CDH8: variants seen among roughly 807,000 people sequenced by gnomAD.
The protein encoded by CDH8 is cadherin-8.
Under a neutral mutation model 68.1 loss-of-function variants are expected in CDH8, and 17 were observed. That is an observed-to-expected ratio of 0.25 (90% confidence interval 0.17 to 0.37). The LOEUF is 0.37. CDH8 is among the 10% of genes least tolerant of loss of function. CDH8 has a pLI of 1.00. For missense variants in CDH8, 763 were observed against 999.3 expected (o/e 0.76, Z 3.19); for synonymous variants, 372 against 365.1 (o/e 1.02, Z -0.21).
chr16:61,839,390 T>C (rs1962638066), intron 4 of CDH8, among the ~76,000 whole-genome samples: 1 of 152,172 alleles, frequency 6.6e-6, no homozygotes, highest in African/African-American at 2.4e-5. Flanking sequence ...ATTTGTTTTA[T>C]ATATTTAGAG....
chr16:62,019,589 A>T (rs1902022650), intron 2 of CDH8, among the ~76,000 whole-genome samples: 1 of 152,106 alleles, frequency 6.6e-6, no homozygotes, highest in Non-Finnish European at 1.5e-5. Context: ...GTAATCAACC[A>T]CATTAACATT....
intron 10 of CDH8, among the ~76,000 whole-genome samples, chr16:61,671,497 G>T (rs1463830009): frequency 6.6e-6 from 1 of 151,678 alleles, no homozygotes; most frequent in Non-Finnish European, 1.5e-5. Flanking sequence ...GCAAGGAAAT[G>T]TGGTATCCTA....
intron 2 of CDH8, among the ~76,000 whole-genome samples, chr16:61,980,760 A>G (rs1370997519): frequency 6.6e-6 from 1 of 152,130 alleles, no homozygotes; most frequent in Non-Finnish European, 1.5e-5. Context: ...CAACTTCTGA[A>G]CTCCTGGCTT....
chr16:61,751,326 T>C (rs1474932224), intron 8 of CDH8, among the ~76,000 whole-genome samples: 4 of 128,068 alleles, frequency 3.1e-5, no homozygotes, highest in Non-Finnish European at 6.3e-5. Flanking sequence ...GATTTTCCTC[T>C]ACAAGGAAAA....
intron 10 of CDH8, among the ~76,000 whole-genome samples, chr16:61,672,651 A>G (rs983974536): frequency 2.0e-5 from 3 of 152,078 alleles, no homozygotes; most frequent in African/African-American, 7.2e-5. Flanking sequence ...GAAAGCTACA[A>G]TCTTTTAAGA....
intron 4 of CDH8, among the ~76,000 whole-genome samples, chr16:61,834,489 A>G (rs1962525887): frequency 6.6e-6 from 1 of 151,940 alleles, no homozygotes; most frequent in African/African-American, 2.4e-5. Context: ...TATTTTATTC[A>G]TTTCATAATT....
chr16:61,672,568 T>A (rs1463943662), intron 10 of CDH8, among the ~76,000 whole-genome samples: 1 of 152,018 alleles, frequency 6.6e-6, no homozygotes, highest in Non-Finnish European at 1.5e-5. Flanking sequence ...AAATATTCAA[T>A]AAAACTTAAA....
chr16:61,936,014 C>T (rs1295849818), intron 2 of CDH8, among the ~76,000 whole-genome samples: 2 of 152,132 alleles, frequency 1.3e-5, no homozygotes, highest in Non-Finnish European at 2.9e-5. Context: ...CCACCACATA[C>T]TAGCTGTGTC....
intron 7 of CDH8, among the ~76,000 whole-genome samples, chr16:61,791,743 A>T (rs886226225): frequency 6.6e-6 from 1 of 152,050 alleles, no homozygotes; most frequent in African/African-American, 2.4e-5. Context: ...TGGGGAGCAA[A>T]AACGGGGTAT....
intron 2 of CDH8, among the ~76,000 whole-genome samples, chr16:61,978,781 T>C (rs1422478365): frequency 1.3e-5 from 2 of 152,148 alleles, no homozygotes; most frequent in Non-Finnish European, 2.9e-5. Context: ...TAGCAGCACC[T>C]ACAAACGGCT....
chr16:62,034,162 C>G (rs776139633), intron 1 of CDH8, among the ~76,000 whole-genome samples: 32 of 149,204 alleles, frequency 2.1e-4, no homozygotes, highest in Non-Finnish European at 4.6e-4. Context: ...CCACTCCCAG[C>G]CCCCACCTCA....
At chr16:61,949,466 C>T (rs981447015) in intron 2 of CDH8, among the ~76,000 whole-genome samples, 1 of 151,920 alleles carries the variant, frequency 6.6e-6, no homozygotes, top group African/African-American at 2.4e-5. Context: ...GCTTGGGTCC[C>T]CTTCCACACT....
intron 4 of CDH8, among the ~76,000 whole-genome samples, chr16:61,835,035 C>T (rs35702091): frequency 0.023 from 3,493 of 151,952 alleles, 54 homozygotes; most frequent in Non-Finnish European, 0.039. Context: ...AAAATATCTC[C>T]GCAGAATGCT....
intron 10 of CDH8, among the ~76,000 whole-genome samples, chr16:61,697,285 T>A (rs1256046859): frequency 6.6e-6 from 1 of 152,004 alleles, no homozygotes; most frequent in Admixed American, 6.6e-5. Context: ...CAGCATCTTG[T>A]ACAGGAAACA....
intron 6 of CDH8, 91 bp from the exon 7 acceptor site, chr16:61,817,823 G>T: frequency 5.3e-6 from 7 of 1,320,794 alleles, no homozygotes; most frequent in Non-Finnish European, 7.2e-6. Context: ...AAAGTTATGT[G>T]CATTTAAACC....
At position 61,650,850 on chromosome 16, in the gene CDH8, C is replaced by T. The variant is rs1169807586; in HGVS notation, c.*2758G>A. The T allele has an allele frequency of 6.6e-6, 1 of 151,916 alleles. No homozygotes were observed. The highest frequency in any genetic ancestry group is 2.4e-5 in the African/African-American group (1 of 41,390). 9.4% of individuals were successfully genotyped at this position (151,916 alleles called of 1,614,324 possible). On this transcript the variant is annotated 3_prime_UTR_variant, in exon 12 of 12. Coordinates refer to ENST00000577390, the MANE Select transcript of CDH8 (RefSeq NM_001796.5). ...GTCACTTTATTCTATGTTACAAGAC[C>T]TGAAATAGGCTTTTAAACACAAAAT...
intron 8 of CDH8, among the ~76,000 whole-genome samples, chr16:61,758,524 C>A (rs1246740982): frequency 1.3e-5 from 2 of 152,082 alleles, no homozygotes; most frequent in African/African-American, 4.8e-5. Flanking sequence ...CTTCTGCCCT[C>A]TGGATTCAAG....
At chr16:61,770,943 G>C (rs1426895984) in intron 8 of CDH8, among the ~76,000 whole-genome samples, 2 of 151,948 alleles carry the variant, frequency 1.3e-5, no homozygotes, top group African/African-American at 4.8e-5. Flanking sequence ...TACACCAAGT[G>C]AATGGTTTAT....
At chr16:61,690,255 T>A (rs1397430063) in intron 10 of CDH8, among the ~76,000 whole-genome samples, 1 of 152,092 alleles carries the variant, frequency 6.6e-6, no homozygotes, top group Non-Finnish European at 1.5e-5. Flanking sequence ...TAAAGGTTAA[T>A]AATTCCTCTA....
Sources: allele counts gnomAD v4.1 joint callset (sites outside exome capture counted in the v4.1 genomes callset), GRCh38; gene constraint gnomAD v4.1.1; transcripts MANE v1.5; gene names NCBI Gene and HGNC (gene_info 2026-07-23, HGNC 2026-07-21).